POFUT3: variants seen among roughly 807,000 people sequenced by gnomAD.
POFUT3 encodes protein O-fucosyltransferase 3, also known as GDP-fucose protein O-fucosyltransferase 3.
chr8:33,409,172 G>A, the POFUT3 span, among the ~76,000 whole-genome samples: 2 of 151,974 alleles, frequency 1.3e-5, no homozygotes, highest in Admixed American at 6.6e-5. Context: ...TCACAATCTC[G>A]GCTCACTGCA....
chr8:33,418,755 T>G, the POFUT3 span, among the ~76,000 whole-genome samples: 2 of 152,206 alleles, frequency 1.3e-5, no homozygotes, highest in African/African-American at 4.8e-5. Context: ...GGACTCAGTA[T>G]GTCAAAGCAA....
At chr8:33,463,855 C>T in the POFUT3 span, among the ~76,000 whole-genome samples, 1 of 152,096 alleles carries the variant, frequency 6.6e-6, no homozygotes, top group Non-Finnish European at 1.5e-5. Context: ...CACGGCCTTA[C>T]TTTTAAATCC....
the POFUT3 span, among the ~76,000 whole-genome samples, chr8:33,309,377 T>TGTGTGTGTGTGTGTGTGTGTGTGTG: frequency 3.4e-5 from 5 of 146,184 alleles, no homozygotes; most frequent in African/African-American, 1.3e-4. Context: ...GTGTGTGTGT[T>TGTGTGTGTGTGTGTGTGTGTGTGTG]TTTCTCCCCT....
the POFUT3 span, among the ~76,000 whole-genome samples, chr8:33,346,163 G>A: frequency 3.7e-3 from 506 of 138,060 alleles, no homozygotes; most frequent in Non-Finnish European, 4.1e-3. Flanking sequence ...GCAGTGGAAA[G>A]AAAAAAAAAA....
At chr8:33,457,859 T>C in the POFUT3 span, among the ~76,000 whole-genome samples, 1 of 152,026 alleles carries the variant, frequency 6.6e-6, no homozygotes, top group African/African-American at 2.4e-5. Context: ...AATGTCTAAG[T>C]TTTCCTCCAG....
the POFUT3 span, among the ~76,000 whole-genome samples, chr8:33,355,211 A>ATATTCCAAT: frequency 1.7e-4 from 26 of 152,334 alleles, no homozygotes; most frequent in Non-Finnish European, 2.8e-4. Context: ...CAGATTATTT[A>ATATTCCAAT]TATTCCAATA....
the POFUT3 span, among the ~76,000 whole-genome samples, chr8:33,414,975 A>G: frequency 6.6e-6 from 1 of 151,876 alleles, no homozygotes; most frequent in African/African-American, 2.4e-5. Flanking sequence ...AAAAAAAAAA[A>G]AAAAGGCCAG....
chr8:33,470,028 C>T, the POFUT3 span, among the ~76,000 whole-genome samples: 1 of 151,428 alleles, frequency 6.6e-6, no homozygotes, highest in East Asian at 1.9e-4. Flanking sequence ...CTCCTGACCT[C>T]GTGATCCACC....
the POFUT3 span, among the ~76,000 whole-genome samples, chr8:33,311,805 G>A: frequency 6.6e-6 from 1 of 152,048 alleles, no homozygotes; most frequent in Non-Finnish European, 1.5e-5. Context: ...ATATGTTTTT[G>A]TGGTGGATAG....
At chr8:33,341,636 A>AT in the POFUT3 span, among the ~76,000 whole-genome samples, 1 of 152,148 alleles carries the variant, frequency 6.6e-6, no homozygotes, top group African/African-American at 2.4e-5. Flanking sequence ...AAAGCCTGAG[A>AT]TAAATAATCC....
At chr8:33,451,944 C>T in the POFUT3 span, 4 of 152,058 alleles carry the variant, frequency 2.6e-5, no homozygotes, top group East Asian at 3.9e-4. Context: ...GGGAACAGCC[C>T]GATGATCCAG....
chr8:33,343,095 A>C, the POFUT3 span, among the ~76,000 whole-genome samples: 12 of 150,238 alleles, frequency 8.0e-5, no homozygotes, highest in African/African-American at 2.9e-4. Context: ...TGGGCGACAG[A>C]GCAAGACTCC....
At chr8:33,354,039 C>G in the POFUT3 span, among the ~76,000 whole-genome samples, 55 of 152,266 alleles carry the variant, frequency 3.6e-4, 1 homozygote, top group East Asian at 1.9e-3. Context: ...ATTATCCATA[C>G]AGCTCTGTTA....
At chr8:33,407,715 A>G in the POFUT3 span, among the ~76,000 whole-genome samples, 1 of 152,184 alleles carries the variant, frequency 6.6e-6, no homozygotes, top group African/African-American at 2.4e-5. Flanking sequence ...AAGTTAAAGA[A>G]ACATAAGGCA....
chr8:33,343,173 T>C, the POFUT3 span, among the ~76,000 whole-genome samples: 1,969 of 152,042 alleles, frequency 0.013, 46 homozygotes, highest in African/African-American at 0.045. Context: ...CAAGTTTAAT[T>C]TTAAAATATT....
the POFUT3 span, among the ~76,000 whole-genome samples, chr8:33,379,055 A>T: frequency 6.6e-6 from 1 of 151,778 alleles, no homozygotes; most frequent in African/African-American, 2.4e-5. Context: ...TGATGGTTTA[A>T]ATGTGTGGCA....
At chr8:33,453,621 C>T in the POFUT3 span, 3 of 858,294 alleles carry the variant, frequency 3.5e-6, no homozygotes, top group Non-Finnish European at 5.5e-6. Context: ...GCTGCTGTAA[C>T]AAATTACCAC....
chr8:33,340,961 C>T, the POFUT3 span, among the ~76,000 whole-genome samples: 2 of 152,096 alleles, frequency 1.3e-5, no homozygotes, highest in South Asian at 2.1e-4. Context: ...ATTTTTAGGG[C>T]ACTTTTCTCA....
the POFUT3 span, among the ~76,000 whole-genome samples, chr8:33,320,999 A>G: frequency 6.6e-6 from 1 of 152,064 alleles, no homozygotes; most frequent in African/African-American, 2.4e-5. Context: ...GCTAGCTACC[A>G]CCATCAATAT....
Sources: allele counts gnomAD v4.1 joint callset (sites outside exome capture counted in the v4.1 genomes callset), GRCh38; gene constraint gnomAD v4.1.1; transcripts MANE v1.5; gene names NCBI Gene and HGNC (gene_info 2026-07-23, HGNC 2026-07-21).